Variants in TRPC5 observed in about 807,000 individuals in gnomAD.
TRPC5 encodes the protein short transient receptor potential channel 5.
In TRPC5, 9 loss-of-function variants were observed where a neutral mutation model predicts 56.5. The ratio of observed to expected loss-of-function variants is 0.16; its 90% CI spans 0.10 to 0.28. The LOEUF (loss-of-function observed/expected upper bound fraction) is 0.28. Ranked by LOEUF, TRPC5 falls within the 10% of genes least tolerant of loss-of-function variation. The probability of loss-of-function intolerance (pLI) is 1.00; values close to 1 mark genes in which losing one functional copy is unlikely to be tolerated. For missense variants in TRPC5, 469 were observed against 748.9 expected, an observed-to-expected ratio of 0.63 and a Z score of 4.36; for synonymous variants, 282 against 278.5, an observed-to-expected ratio of 1.01 and a Z score of -0.13.
At chrX:111,910,600 C>T (rs1925786590) in intron 3 of TRPC5, among the ~76,000 whole-genome samples, 1 of 112,504 alleles carries the variant, frequency 8.9e-6, no homozygotes, top group African/African-American at 3.2e-5. Flanking sequence ...GGCATGATCT[C>T]GACTTATTGC....
At chrX:111,997,288 G>C (rs1236223395) in intron 1 of TRPC5, among the ~76,000 whole-genome samples, 1 of 111,520 alleles carries the variant, frequency 9.0e-6, no homozygotes, top group African/African-American at 3.3e-5. Context: ...GAAATTCTGG[G>C]TTGAAAATTC....
chrX:112,059,866 A>G (rs1930423715), intron 1 of TRPC5, among the ~76,000 whole-genome samples: 1 of 112,009 alleles, frequency 8.9e-6, no homozygotes, highest in African/African-American at 3.2e-5. Flanking sequence ...TTTATTCTGA[A>G]GAATAGAATA....
chrX:111,899,820 A>T (rs190026053), intron 3 of TRPC5, among the ~76,000 whole-genome samples: 43 of 111,605 alleles, frequency 3.9e-4, no homozygotes, highest in Non-Finnish European at 7.2e-4. Context: ...CTTACATGAG[A>T]CGTTTTTCTC....
At chrX:112,050,447 T>A (rs928672540) in intron 1 of TRPC5, among the ~76,000 whole-genome samples, 2 of 112,319 alleles carry the variant, frequency 1.8e-5, no homozygotes, top group South Asian at 7.4e-4. Context: ...CATATAGGTT[T>A]GTGTAAATGT....
Position 111,813,164 on chromosome X carries a change from A to T in TRPC5, c.1896+21757T>A, listed in dbSNP as rs150951248. On this transcript the variant is annotated intron_variant, in intron 7 of 10. Coordinates refer to ENST00000262839, the MANE Select transcript of TRPC5 (RefSeq NM_012471.3). ...CTGGCTGGGTGGTTTTGTGTAAGAG[A>T]CAAACTACACCACCATAGACAGTGG... Among the ~76,000 whole-genome samples the T allele has an allele frequency of 5.7e-3, 635 of 112,157 alleles. 4 individuals are homozygous for T. Among genetic ancestry groups the T allele is most frequent in the African/African-American group, 0.02 (609 of 30,880 alleles).
intron 1 of TRPC5, among the ~76,000 whole-genome samples, chrX:111,988,459 T>C (rs1442818053): frequency 3.6e-5 from 4 of 110,488 alleles, no homozygotes; most frequent in Non-Finnish European, 7.6e-5. Flanking sequence ...TTCTTCTTCC[T>C]CTGCTTGACA....
chrX:111,973,549 G>A (rs1021050203), intron 1 of TRPC5, among the ~76,000 whole-genome samples: 60 of 111,377 alleles, frequency 5.4e-4, no homozygotes, highest in African/African-American at 1.9e-3. Flanking sequence ...ATATCCCTAG[G>A]TGGATGAATT....
chrX:111,809,882 G>GTTTTTTTTTTT (rs768396316), intron 7 of TRPC5, among the ~76,000 whole-genome samples: 1 of 99,161 alleles, frequency 1.0e-5, no homozygotes. Context: ...TCTTCATTTT[G>GTTTTTTTTTTT]TTTTTTTTTT....
chrX:111,830,192 G>A (rs1002969880), intron 7 of TRPC5, among the ~76,000 whole-genome samples: 2 of 112,375 alleles, frequency 1.8e-5, no homozygotes, highest in African/African-American at 6.5e-5. Context: ...GGAGCCTGTA[G>A]CCCCTTTGTT....
At chrX:111,897,799 C>A (rs2148611860) in intron 3 of TRPC5, among the ~76,000 whole-genome samples, 1 of 111,208 alleles carries the variant, frequency 9.0e-6, no homozygotes, top group East Asian at 2.8e-4. Context: ...GTTACCTGAG[C>A]TCTTTCTACT....
chrX:111,813,242 T>C (rs181825208), intron 7 of TRPC5, among the ~76,000 whole-genome samples: 320 of 112,531 alleles, frequency 2.8e-3, no homozygotes, highest in African/African-American at 9.5e-3. Flanking sequence ...GCGGCTATAA[T>C]GTGCACCTAA....
At chrX:112,051,907 A>C (rs1013996179) in intron 1 of TRPC5, among the ~76,000 whole-genome samples, 3 of 112,082 alleles carry the variant, frequency 2.7e-5, no homozygotes, top group African/African-American at 9.7e-5. Context: ...TATTTCACTT[A>C]GAATGTGTCA....
intron 2 of TRPC5, among the ~76,000 whole-genome samples, chrX:111,939,508 G>A (rs1001657243): frequency 3.6e-5 from 4 of 111,669 alleles, no homozygotes; most frequent in African/African-American, 1.3e-4. Context: ...ATTCAGCAGT[G>A]AAACCATCAG....
chrX:111,820,598 C>T (rs1027468213), intron 7 of TRPC5, among the ~76,000 whole-genome samples: 2 of 111,686 alleles, frequency 1.8e-5, no homozygotes, highest in Admixed American at 9.5e-5. Flanking sequence ...TGCCTATGAC[C>T]GATTTTGTGT....
At chrX:111,857,823 C>T (rs1330793251) in intron 3 of TRPC5, among the ~76,000 whole-genome samples, 1 of 112,718 alleles carries the variant, frequency 8.9e-6, no homozygotes, top group African/African-American at 3.2e-5. Context: ...ACATTTGGAG[C>T]TCTTCAGCAA....
intron 7 of TRPC5, among the ~76,000 whole-genome samples, chrX:111,828,591 G>T (rs1451063794): frequency 9.0e-6 from 1 of 111,721 alleles, no homozygotes; most frequent in Admixed American, 9.5e-5. Flanking sequence ...CGAGAGTGGG[G>T]CACTGCTGTA....
Position 111,833,053 on chromosome X carries a change from A to G in TRPC5, c.1896+1868T>C, listed in dbSNP as rs72619719. Among the ~76,000 whole-genome samples the G allele has an allele frequency of 7.2e-4, 81 of 111,778 alleles. 1 individual carries two copies. The East Asian group carries it at 0.02, about 27-fold the overall frequency. ...CCAAGCAGAGGGGATGGAAAAGTCA[A>G]TTCCTGAGATTCCATGCCTGCCCCT... On this transcript the variant is annotated intron_variant, in intron 7 of 10. Coordinates refer to ENST00000262839, the MANE Select transcript of TRPC5 (RefSeq NM_012471.3).
intron 1 of TRPC5, among the ~76,000 whole-genome samples, chrX:112,017,493 C>G (rs1418588822): frequency 9.1e-6 from 1 of 109,763 alleles, no homozygotes. Context: ...TACTATTTTA[C>G]GGGATATGAG....
chrX:112,039,497 C>T (rs999075599), intron 1 of TRPC5, among the ~76,000 whole-genome samples: 17 of 111,900 alleles, frequency 1.5e-4, no homozygotes, highest in African/African-American at 5.2e-4. Flanking sequence ...TTGGTCATAT[C>T]CCTAGGTTTG....
Sources: allele counts gnomAD v4.1 joint callset (sites outside exome capture counted in the v4.1 genomes callset), GRCh38; gene constraint gnomAD v4.1.1; transcripts MANE v1.5; gene names NCBI Gene and HGNC (gene_info 2026-07-23, HGNC 2026-07-21).